The following DEPDC5 variants were observed in gnomAD, a reference collection of about 807,000 sequenced individuals.
The protein encoded by DEPDC5 is DEP domain containing 5, GATOR1 subcomplex subunit, also known as GATOR1 complex protein DEPDC5.
Under a neutral mutation model 217.3 loss-of-function variants are expected in DEPDC5, and 73 were observed. The ratio of observed to expected loss-of-function variants is 0.34; its 90% CI spans 0.28 to 0.41. DEPDC5 has a LOEUF of 0.41. DEPDC5 is among the 10% of genes least tolerant of loss of function. DEPDC5 has a pLI of 1.00. For synonymous variants in DEPDC5, 733 were observed against 756.7 expected (o/e 0.97, Z 0.51); for missense variants, 1,675 against 2,070.1 (o/e 0.81, Z 3.70).
chr22:31,883,998 T>A (rs957570736), intron 38 of DEPDC5, among the ~76,000 whole-genome samples: 1 of 152,116 alleles, frequency 6.6e-6, no homozygotes, highest in African/African-American at 2.4e-5. Flanking sequence ...CTGTAACCAA[T>A]TGATCTTGCT....
In DEPDC5 at chr22:31,838,824, A is replaced by T; in HGVS notation, c.2494A>T (p.Ser832Cys). 1 of 1,614,016 alleles carries T rather than the reference A, an allele frequency of 6.2e-7. No homozygotes were observed. The highest frequency in any genetic ancestry group is 8.5e-7 in the Non-Finnish European group (1 of 1,179,912). Residue 832 changes from serine (S) to cysteine (C), a missense_variant, in exon 27 of 43, where the codon AGT becomes TGT. Physicochemically the swap from Ser to Cys is moderately radical, Grantham distance 112. Coordinates refer to ENST00000651528, the MANE Select transcript of DEPDC5 (RefSeq NM_001242896.3). Reference protein sequence around the residue: ...PNPAVPPPLSSSPLYSRGLVS... With the variant: ...PNPAVPPPLSCSPLYSRGLVS... ...TCCTGCTGTCCCGCCCCCGCTGAGC[A>T]GTAGCCCACTCTATAGCCGAGGTGA... is the stretch of plus-strand genomic sequence containing the variant.
At chr22:31,783,844 C>A in intron 8 of DEPDC5, 63 bp from the exon 9 acceptor site, 1 of 1,433,760 alleles carries the variant, frequency 7.0e-7, no homozygotes, top group Non-Finnish European at 9.7e-7. Context: ...AGAACTTTTT[C>A]ATCTTATAGA....
At chr22:31,787,223 C>T (rs2085093752) in intron 10 of DEPDC5, among the ~76,000 whole-genome samples, 1 of 151,966 alleles carries the variant, frequency 6.6e-6, no homozygotes, top group South Asian at 2.1e-4. Context: ...GCTGAGACTA[C>T]AGGCATTTGC....
intron 2 of DEPDC5, 85 bp from the exon 3 acceptor site, chr22:31,758,461 G>A (rs2082116228): frequency 8.0e-7 from 1 of 1,249,778 alleles, no homozygotes; most frequent in Non-Finnish European, 1.2e-6. Context: ...ATACCATCCT[G>A]ATGGGGTTGT....
intron 5 of DEPDC5, among the ~76,000 whole-genome samples, chr22:31,765,672 T>C (rs1307891748): frequency 6.6e-6 from 1 of 152,212 alleles, no homozygotes; most frequent in Non-Finnish European, 1.5e-5. Context: ...ACAGGAGGAT[T>C]GCTTGTGCGC....
chr22:31,822,657 A>G, intron 23 of DEPDC5, 36 bp from the exon 24 acceptor site: 2 of 1,606,106 alleles, frequency 1.2e-6, no homozygotes, highest in Non-Finnish European at 1.7e-6. Flanking sequence ...GTGATGATCT[A>G]CATTAAGCCA....
At position 31,844,484 on chromosome 22, in the gene DEPDC5, C is replaced by T. The variant is rs536656448; in HGVS notation, c.2802-534C>T. 9.2e-5 allele frequency among the ~76,000 whole-genome samples: 14 copies of T among 152,254 alleles called. No homozygotes were observed. In the South Asian group the frequency reaches 1.7e-3, roughly 18 times the overall value. Reference sequence around the variant, plus strand: ...CAAACCCCATGAAGCTCAGGGATGACGTGCCCTTGATGCAAGTGGCAGTGC... The same window carrying T: ...CAAACCCCATGAAGCTCAGGGATGATGTGCCCTTGATGCAAGTGGCAGTGC... On this transcript the variant is annotated intron_variant, in intron 29 of 42. Transcript: ENST00000651528.
intron 31 of DEPDC5, among the ~76,000 whole-genome samples, chr22:31,856,394 G>A (rs2092303293): frequency 6.6e-6 from 1 of 152,112 alleles, no homozygotes; most frequent in African/African-American, 2.4e-5. Context: ...GCCTCGCACT[G>A]TCCATCACAA....
intron 25 of DEPDC5, among the ~76,000 whole-genome samples, chr22:31,835,532 T>G (rs535087427): frequency 1.3e-5 from 2 of 152,320 alleles, no homozygotes; most frequent in African/African-American, 4.8e-5. Flanking sequence ...AAAGCATTTC[T>G]ACAAGATTTT....
chr22:31,881,628 TTA>T (rs2093178159), intron 38 of DEPDC5, among the ~76,000 whole-genome samples: 1 of 151,978 alleles, frequency 6.6e-6, no homozygotes, highest in Non-Finnish European at 1.5e-5. Flanking sequence ...CCTTGTGATT[TTA>T]TGTCATGGGA....
At chr22:31,820,538 T>C (rs561984523) in intron 22 of DEPDC5, among the ~76,000 whole-genome samples, 1 of 152,360 alleles carries the variant, frequency 6.6e-6, no homozygotes, top group Non-Finnish European at 1.5e-5. Context: ...ATCATTTGGC[T>C]GTAACTGGGG....
At position 31,837,274 on chromosome 22, in the gene DEPDC5, C is replaced by T. The variant is rs1370595536; in HGVS notation, c.2354+119C>T. On this transcript the variant is annotated intron_variant, in intron 26 of 42. Coordinates refer to ENST00000651528, the MANE Select transcript of DEPDC5 (RefSeq NM_001242896.3). ...AGCAACACATATATTAAAATTGGAA[C>T]GATATAGAGGAGATTAGCATGGCCG... The T allele has an allele frequency of 1.9e-5, 20 of 1,051,604 alleles. No individual in the cohort carries two copies. The South Asian group carries it at 1.9e-4, about 10-fold the overall frequency. The allele number at this position is 1,051,604 out of a possible 1,614,324, so 65.1% of individuals were successfully genotyped here.
chr22:31,895,773 T>A (rs2093539745), intron 39 of DEPDC5, among the ~76,000 whole-genome samples: 1 of 151,590 alleles, frequency 6.6e-6, no homozygotes, highest in Non-Finnish European at 1.5e-5. Context: ...TTTTTCCAGG[T>A]CTCTGTCTGC....
chr22:31,768,790 AC>A, intron 6 of DEPDC5, 23 bp from the exon 7 acceptor site: 1 of 1,593,920 alleles, frequency 6.3e-7, no homozygotes, highest in Non-Finnish European at 8.6e-7. Flanking sequence ...CCCTCTCTCT[AC>A]CCCTCTCTCC....
At chr22:31,763,022 A>G (rs2082527591) in intron 4 of DEPDC5, among the ~76,000 whole-genome samples, 1 of 149,848 alleles carries the variant, frequency 6.7e-6, no homozygotes, top group African/African-American at 2.5e-5. Flanking sequence ...ATGGAGTCTC[A>G]CTCTGTCACC....
At position 31,906,669 on chromosome 22, in the gene DEPDC5, G is replaced by A. The variant is rs1045078106; in HGVS notation, c.*172G>A. 49 of 863,574 alleles carry A rather than the reference G, an allele frequency of 5.7e-5. No individual in the cohort carries two copies. The highest frequency in any genetic ancestry group is 8.0e-5 in the Non-Finnish European group (46 of 572,316). 53.5% of individuals were successfully genotyped at this position (863,574 alleles called of 1,614,324 possible). ...TTGTTTGTTTGTTTTTGGCCCCCAC[G>A]ACAAGTCTTCTACTCTAGAAGAAAG... On this transcript the variant is annotated 3_prime_UTR_variant, in exon 43 of 43. Coordinates refer to ENST00000651528, the MANE Select transcript of DEPDC5 (RefSeq NM_001242896.3). The surrounding 1 kb of genome is among the most constrained non-coding windows in gnomAD (Gnocchi z 5.1).
chr22:31,890,440 TG>T (rs2149360058), intron 38 of DEPDC5: 1 of 152,234 alleles, frequency 6.6e-6, no homozygotes, highest in East Asian at 1.9e-4. Flanking sequence ...TGGCCAGGCA[TG>T]GTGGCTCATT....
At chr22:31,766,795 A>G (rs1394589362) in intron 6 of DEPDC5, 127 bp downstream of exon 6, 1 of 769,396 alleles carries the variant, frequency 1.3e-6, no homozygotes, top group African/African-American at 1.8e-5. Context: ...ATTATTGTCA[A>G]CGTCTTCTGT....
At chr22:31,806,041 C>A in intron 17 of DEPDC5, 81 bp from the exon 18 acceptor site, 1 of 1,246,714 alleles carries the variant, frequency 8.0e-7, no homozygotes, top group Non-Finnish European at 1.2e-6. Flanking sequence ...GAGGGCTGAT[C>A]CATGCCTAGT....
Sources: gnomAD v4.1 joint callset for allele counts (sites outside exome capture counted in the v4.1 genomes callset) on GRCh38, gnomAD v4.1.1 for gene constraint, Gnocchi (gnomAD v3.1) non-coding constraint, MANE v1.5 for transcripts, NCBI Gene and HGNC (gene_info 2026-07-23, HGNC 2026-07-21) for gene names.